Variants in CDK8 observed in about 807,000 individuals in gnomAD.
CDK8 encodes the protein cyclin dependent kinase 8.
A neutral mutation model predicts 71.5 loss-of-function variants in CDK8; 29 were observed. The observed-to-expected ratio is 0.41, with a 90% confidence interval of 0.30 to 0.55. The LOEUF (loss-of-function observed/expected upper bound fraction) is 0.55, where lower values mean the gene tolerates loss of function less well. Among genes scored for constraint, CDK8 ranks in the 20% least tolerant of loss-of-function variants. The pLI, the probability that CDK8 is intolerant of heterozygous loss-of-function variation, is 0.37. For missense variants in CDK8, 288 were observed against 572.6 expected, an observed-to-expected ratio of 0.50 and a Z score of 5.07; for synonymous variants, 161 against 192.1, an observed-to-expected ratio of 0.84 and a Z score of 1.34.
chr13:26,306,951 T>C (rs1387954409), intron 1 of CDK8, among the ~76,000 whole-genome samples: 1 of 152,120 alleles, frequency 6.6e-6, no homozygotes, highest in Non-Finnish European at 1.5e-5. Flanking sequence ...TTGAGTGATC[T>C]TACTGAAATT....
chr13:26,331,608 A>G (rs1342623598), intron 1 of CDK8, among the ~76,000 whole-genome samples: 1 of 152,180 alleles, frequency 6.6e-6, no homozygotes, highest in African/African-American at 2.4e-5. Context: ...GCTTTGTCAA[A>G]GATAAGTTGG....
intron 5 of CDK8, among the ~76,000 whole-genome samples, chr13:26,383,593 ATTAAT>A (rs779807037): frequency 7.2e-5 from 11 of 152,198 alleles, no homozygotes; most frequent in Non-Finnish European, 1.3e-4. Flanking sequence ...TTTAAATTGT[ATTAAT>A]TTAAAGACAT....
At chr13:26,319,955 G>C (rs1167820443) in intron 1 of CDK8, among the ~76,000 whole-genome samples, 1 of 152,074 alleles carries the variant, frequency 6.6e-6, no homozygotes, top group African/African-American at 2.4e-5. Flanking sequence ...AGGATGCTAA[G>C]GCCATTTAAT....
At chr13:26,378,592 A>AT (rs1875067110) in intron 4 of CDK8, among the ~76,000 whole-genome samples, 1 of 152,198 alleles carries the variant, frequency 6.6e-6, no homozygotes, top group South Asian at 2.1e-4. Flanking sequence ...ATACTTGAAG[A>AT]TGTTGCCATG....
Position 26,284,096 on chromosome 13 carries a change from G to A in CDK8, c.128+29327G>A, listed in dbSNP as rs61284806. Among the ~76,000 whole-genome samples the A allele has an allele frequency of 6.7e-3, 1,023 of 152,254 alleles. 16 individuals are homozygous for A. The highest frequency in any genetic ancestry group is 0.023 in the African/African-American group (941 of 41,548). On this transcript the variant is annotated intron_variant, in intron 1 of 12. Transcript: ENST00000381527. ...ATTAAAAAATTCTTGCAACTGAACA[G>A]TAATAGTGACACAACTTACCAAACT... is the stretch of plus-strand genomic sequence containing the variant.
At chr13:26,336,550 CTTTTTTTTTTTTT>C (rs1227344754) in intron 1 of CDK8, among the ~76,000 whole-genome samples, 2 of 121,204 alleles carry the variant, frequency 1.7e-5, no homozygotes, top group African/African-American at 3.2e-5. Flanking sequence ...TCTGAGGAGT[CTTTTTTTTTTTTT>C]TTTTTTTTGA....
chr13:26,299,630 C>G (rs1873731622), intron 1 of CDK8, among the ~76,000 whole-genome samples: 1 of 152,194 alleles, frequency 6.6e-6, no homozygotes, highest in African/African-American at 2.4e-5. Context: ...CATATCTTGC[C>G]TCTAGCATGG....
intron 4 of CDK8, among the ~76,000 whole-genome samples, chr13:26,357,322 G>T (rs1873936284): frequency 6.6e-6 from 1 of 152,166 alleles, no homozygotes; most frequent in African/African-American, 2.4e-5. Context: ...ATATGGACCA[G>T]AAAAGAAACA....
At chr13:26,287,036 A>G (rs753070818) in intron 1 of CDK8, among the ~76,000 whole-genome samples, 2 of 151,562 alleles carry the variant, frequency 1.3e-5, no homozygotes, top group Non-Finnish European at 2.9e-5. Context: ...AAAAGGGAAC[A>G]CTTTTACACT....
intron 1 of CDK8, among the ~76,000 whole-genome samples, chr13:26,256,174 A>G (rs1871514692): frequency 6.6e-6 from 1 of 152,214 alleles, no homozygotes; most frequent in Non-Finnish European, 1.5e-5. Flanking sequence ...CGTATTTAAA[A>G]GTACTTTTTA....
chr13:26,283,401 A>G (rs1312649897), intron 1 of CDK8, among the ~76,000 whole-genome samples: 1 of 151,980 alleles, frequency 6.6e-6, no homozygotes, highest in African/African-American at 2.4e-5. Flanking sequence ...CAAGGTTAGG[A>G]GATCGAGACC....
chr13:26,302,319 T>C (rs1873859266), intron 1 of CDK8, among the ~76,000 whole-genome samples: 1 of 152,234 alleles, frequency 6.6e-6, no homozygotes, highest in East Asian at 1.9e-4. Context: ...GTTGGTTTCT[T>C]ATACAATTCA....
intron 4 of CDK8, among the ~76,000 whole-genome samples, chr13:26,362,149 A>G (rs913014512): frequency 6.6e-6 from 1 of 152,112 alleles, no homozygotes; most frequent in African/African-American, 2.4e-5. Flanking sequence ...TGTAAAGTAC[A>G]TGTATTAGAG....
intron 1 of CDK8, among the ~76,000 whole-genome samples, chr13:26,306,736 C>A (rs915352277): frequency 6.6e-6 from 1 of 150,860 alleles, no homozygotes; most frequent in Admixed American, 6.6e-5. Context: ...TCAAGCGATT[C>A]TCCTGCCTCA....
chr13:26,304,162 G>A (rs541875982), intron 1 of CDK8, among the ~76,000 whole-genome samples: 88 of 124,206 alleles, frequency 7.1e-4, no homozygotes, highest in African/African-American at 2.7e-3. Flanking sequence ...CTACTCGGGA[G>A]GCTGAGGCAG....
intron 6 of CDK8, among the ~76,000 whole-genome samples, chr13:26,392,630 T>A (rs1875805310): frequency 6.6e-6 from 1 of 152,148 alleles, no homozygotes; most frequent in African/African-American, 2.4e-5. Flanking sequence ...CCGGCCGAAT[T>A]TATAATCCAT....
intron 1 of CDK8, among the ~76,000 whole-genome samples, chr13:26,323,389 G>T (rs2769314): frequency 0.95 from 142,398 of 150,376 alleles, 67,471 homozygotes; most frequent in East Asian, 1. Context: ...ACAAGCAAGC[G>T]CTCTGGTTTC....
intron 7 of CDK8, among the ~76,000 whole-genome samples, chr13:26,394,322 G>T (rs1444321211): frequency 1.3e-5 from 2 of 152,164 alleles, no homozygotes; most frequent in Non-Finnish European, 2.9e-5. Context: ...CCTTGTAAGG[G>T]TGTTAATTAT....
intron 6 of CDK8, among the ~76,000 whole-genome samples, chr13:26,390,914 A>G (rs755279676): frequency 4.6e-5 from 7 of 151,838 alleles, no homozygotes; most frequent in Admixed American, 1.3e-4. Context: ...GATGAAACTT[A>G]TATGTTTTTA....
Sources: gnomAD v4.1 joint callset for allele counts (sites outside exome capture counted in the v4.1 genomes callset) on GRCh38, gnomAD v4.1.1 for gene constraint, MANE v1.5 for transcripts, NCBI Gene and HGNC (gene_info 2026-07-23, HGNC 2026-07-21) for gene names.